The following NRXN1 variants were observed in gnomAD, a reference collection of about 807,000 sequenced individuals.
NRXN1 encodes the protein neurexin 1, also known as neurexin-1.
In NRXN1, 39 loss-of-function variants were observed where a neutral mutation model predicts 150.9. That is an observed-to-expected ratio of 0.26 (90% CI 0.20 to 0.34). NRXN1 has a LOEUF of 0.34. Ranked by LOEUF, NRXN1 falls within the 10% of genes least tolerant of loss-of-function variation. The pLI, the probability that NRXN1 is intolerant of heterozygous loss-of-function variation, is 1.00. For synonymous variants in NRXN1, 924 were observed against 757.0 expected (o/e 1.22, Z -3.62); for missense variants, 1,815 against 1,949.9 (o/e 0.93, Z 1.30).
At chr2:50,859,654 A>T (rs994231350) in intron 5 of NRXN1, among the ~76,000 whole-genome samples, 18 of 151,646 alleles carry the variant, frequency 1.2e-4, no homozygotes, top group African/African-American at 4.1e-4. Flanking sequence ...TCTGGGACAG[A>T]TGTCAACAAA....
chr2:50,307,263 T>C (rs1253315201), intron 17 of NRXN1, among the ~76,000 whole-genome samples: 1 of 152,218 alleles, frequency 6.6e-6, no homozygotes, highest in Non-Finnish European at 1.5e-5. Context: ...ATCACAGGTG[T>C]GAGCCACTGC....
intron 5 of NRXN1, among the ~76,000 whole-genome samples, chr2:50,882,090 T>C (rs1409826723): frequency 6.6e-6 from 1 of 151,868 alleles, no homozygotes; most frequent in Non-Finnish European, 1.5e-5. Context: ...AACAAAACAC[T>C]GTTTTCATGA....
intron 5 of NRXN1, among the ~76,000 whole-genome samples, chr2:50,865,613 T>TGTA (rs1425879193): frequency 6.9e-6 from 1 of 144,418 alleles, no homozygotes; most frequent in Non-Finnish European, 1.5e-5. Context: ...TGTGTGTGTG[T>TGTA]GTAGTAGCAC....
At chr2:49,993,002 G>C (rs1352609599) in intron 21 of NRXN1, among the ~76,000 whole-genome samples, 2 of 152,224 alleles carry the variant, frequency 1.3e-5, no homozygotes, top group Non-Finnish European at 2.9e-5. Flanking sequence ...GAGTTTGGCA[G>C]TTTCTAACAA....
intron 21 of NRXN1, among the ~76,000 whole-genome samples, chr2:49,953,680 ATATATT>A (rs1385401919): frequency 2.0e-5 from 3 of 152,044 alleles, no homozygotes; most frequent in African/African-American, 7.2e-5. Context: ...ATTTAAATAC[ATATATT>A]TATATATGTA....
chr2:50,491,681 G>A (rs371489325), intron 15 of NRXN1, among the ~76,000 whole-genome samples: 45 of 152,270 alleles, frequency 3.0e-4, no homozygotes, highest in African/African-American at 1.0e-3. Flanking sequence ...ACCTAGATGT[G>A]GCCCATAAAT....
At chr2:50,746,142 A>T (rs1699997017) in intron 5 of NRXN1, among the ~76,000 whole-genome samples, 1 of 152,076 alleles carries the variant, frequency 6.6e-6, no homozygotes, top group Non-Finnish European at 1.5e-5. Flanking sequence ...ATTGTTATGC[A>T]TGGTGGGGAA....
At chr2:50,641,827 C>A (rs1226280097) in intron 5 of NRXN1, among the ~76,000 whole-genome samples, 1 of 152,106 alleles carries the variant, frequency 6.6e-6, no homozygotes, top group Non-Finnish European at 1.5e-5. Flanking sequence ...GCCTTCAGAG[C>A]ACTTTTGGAT....
At chr2:49,944,200 C>T (rs1244695156) in intron 21 of NRXN1, among the ~76,000 whole-genome samples, 1 of 152,134 alleles carries the variant, frequency 6.6e-6, no homozygotes, top group Non-Finnish European at 1.5e-5. Flanking sequence ...AGCAGAAAAG[C>T]CATAACCTTT....
chr2:50,728,983 A>G (rs1453040979), intron 5 of NRXN1, among the ~76,000 whole-genome samples: 1 of 152,194 alleles, frequency 6.6e-6, no homozygotes, highest in Non-Finnish European at 1.5e-5. Flanking sequence ...AGAAGGGTCT[A>G]ATATGCTACT....
chr2:50,506,543 G>T lies in NRXN1; in HGVS notation c.2449C>A (p.Arg817Ser), dbSNP rs768273115. The T allele has an allele frequency of 1.2e-6, 2 of 1,612,810 alleles. No individual in the cohort carries two copies. Among genetic ancestry groups the T allele is most frequent in the East Asian group, 2.2e-5 (1 of 44,804 alleles). The change falls in exon 13 of 23, where the codon CGT (arginine) becomes AGT (serine). Residue 817 changes from arginine (R) to serine (S), a missense_variant. Arg to Ser is a moderately radical substitution (Grantham distance 110). This residue lies in a region of NRXN1 where 638 missense variants were observed against 652.6 expected (regional missense o/e 0.98). Coordinates refer to ENST00000401669, the MANE Select transcript of NRXN1 (RefSeq NM_001330078.2). ...NEWHTVRVVR[R>S]GKSLKLTVDD... is the part of the protein sequence containing the mutation. ...ACTGTTAACTTTAAACTTTTTCCAC[G>T]CCGAACTACACGCACTGTGTGCCAC...
intron 17 of NRXN1, among the ~76,000 whole-genome samples, chr2:50,299,383 A>G (rs749966988): frequency 2.6e-5 from 4 of 151,532 alleles, no homozygotes; most frequent in Non-Finnish European, 5.9e-5. Flanking sequence ...AATGCTAAAG[A>G]TAGTGCTATA....
At chr2:50,465,266 C>T (rs2104644619) in intron 17 of NRXN1, 176 bp downstream of exon 17, 1 of 463,002 alleles carries the variant, frequency 2.2e-6, no homozygotes, top group Non-Finnish European at 3.5e-6. Flanking sequence ...AGGATTTAGC[C>T]ACTTTAACAA....
At chr2:50,075,682 T>C (rs1417642267) in intron 19 of NRXN1, among the ~76,000 whole-genome samples, 1 of 152,192 alleles carries the variant, frequency 6.6e-6, no homozygotes. Flanking sequence ...AATGATAATT[T>C]TTATGATCTT....
intron 17 of NRXN1, among the ~76,000 whole-genome samples, chr2:50,449,997 A>G (rs2086812369): frequency 1.3e-5 from 2 of 152,190 alleles, no homozygotes; most frequent in Non-Finnish European, 2.9e-5. Flanking sequence ...TCAGAATGCA[A>G]TTCTGGATCT....
At chr2:50,623,863 G>GC (rs1680506402) in intron 5 of NRXN1, among the ~76,000 whole-genome samples, 1 of 152,006 alleles carries the variant, frequency 6.6e-6, no homozygotes, top group Non-Finnish European at 1.5e-5. Flanking sequence ...GTATACATGT[G>GC]CCATGTTGGT....
chr2:49,927,753 T>C (rs762787274), intron 22 of NRXN1, among the ~76,000 whole-genome samples: 4 of 152,196 alleles, frequency 2.6e-5, no homozygotes, highest in African/African-American at 4.8e-5. Context: ...ATCTTTCTAT[T>C]GACAAGTTCA....
intron 15 of NRXN1, among the ~76,000 whole-genome samples, chr2:50,484,073 G>A (rs1026664885): frequency 6.6e-6 from 1 of 152,146 alleles, no homozygotes. Context: ...AATTGGCACC[G>A]GCTCTCAACT....
At chr2:50,920,565 T>C (rs753275228) in intron 5 of NRXN1, among the ~76,000 whole-genome samples, 4 of 151,760 alleles carry the variant, frequency 2.6e-5, no homozygotes, top group Non-Finnish European at 5.9e-5. Flanking sequence ...TAAGATAAAG[T>C]ATATTCTTCC....
Sources: allele counts gnomAD v4.1 joint callset (sites outside exome capture counted in the v4.1 genomes callset), GRCh38; gene constraint gnomAD v4.1.1; regional missense constraint gnomAD v4.1.1; transcripts MANE v1.5; gene names NCBI Gene and HGNC (gene_info 2026-07-23, HGNC 2026-07-21).